The following CAV1 variants were observed in gnomAD, a reference collection of about 807,000 sequenced individuals.
CAV1 encodes caveolin-1.
CAV1 carries 10 observed loss-of-function variants against 16.5 expected under a neutral mutation model. The observed-to-expected ratio is 0.61, with a 90% CI of 0.37 to 1.03. The LOEUF (loss-of-function observed/expected upper bound fraction) is 1.03, where lower values mean the gene tolerates loss of function less well. Ranked by LOEUF, CAV1 falls within the 50% of genes least tolerant of loss-of-function variation. The pLI is 0.01. For missense variants in CAV1, 212 were observed against 232.8 expected (o/e 0.91, Z 0.58); for synonymous variants, 76 against 85.1 (o/e 0.89, Z 0.59).
At position 116,559,770 on chromosome 7, in the gene CAV1, A is replaced by G; in HGVS notation, c.*483A>G. On this transcript the variant is annotated 3_prime_UTR_variant, in exon 3 of 3. Coordinates refer to ENST00000341049, the MANE Select transcript of CAV1 (RefSeq NM_001753.5). The stretch of plus-strand genomic sequence containing the variant: ...CTCTTTTCCCACTGTTTAAGGAGTT[A>G]GTGGATTACTGCCATTCACTTCATA... 2.4e-6 allele frequency: 1 copy of G among 422,122 alleles called. No homozygotes were observed. Among genetic ancestry groups the G allele is most frequent in the Non-Finnish European group, 4.2e-6 (1 of 240,772 alleles). The allele number at this position is 422,122 out of a possible 1,614,324, so 26.1% of individuals were successfully genotyped here.
chr7:116,540,141 G>T (rs547052403), intron 2 of CAV1, among the ~76,000 whole-genome samples: 1 of 152,162 alleles, frequency 6.6e-6, no homozygotes, highest in South Asian at 2.1e-4. Context: ...GCTGGGAGGT[G>T]ATAACTGTTA....
chr7:116,546,566 G>A lies in CAV1; in HGVS notation c.196-12380G>A, dbSNP rs190596295. ...AAAAAAATTAGTCAGGTGTGGTGGC[G>A]GATGCCTGTAATCCCAGCTACTTGG... On this transcript the variant is annotated intron_variant, in intron 2 of 2. Coordinates refer to ENST00000341049, the MANE Select transcript of CAV1 (RefSeq NM_001753.5). Among the ~76,000 whole-genome samples, 548 of 151,842 alleles carry A rather than the reference G, an allele frequency of 3.6e-3. 4 individuals are homozygous for A. Among genetic ancestry groups the A allele is most frequent in the African/African-American group, 0.011 (474 of 41,410 alleles).
intron 2 of CAV1, among the ~76,000 whole-genome samples, chr7:116,536,515 G>A (rs1793820497): frequency 6.6e-6 from 1 of 152,166 alleles, no homozygotes; most frequent in Non-Finnish European, 1.5e-5. Context: ...CAGGAACAGG[G>A]TCCCAGCAGA....
chr7:116,536,847 CAA>C (rs1388416663), intron 2 of CAV1, among the ~76,000 whole-genome samples: 114 of 150,736 alleles, frequency 7.6e-4, no homozygotes, highest in African/African-American at 2.6e-3. Flanking sequence ...ACTAAAAATA[CAA>C]AAAATTAGCC....
In CAV1 at chr7:116,559,638, C is replaced by T; in HGVS notation, c.*351C>T. ...GGAAAAAAAAAAAAAAGAAAAGAAC[C>T]AACAACCTCAACTGCCTACTCCAAA... On this transcript the variant is annotated 3_prime_UTR_variant, in exon 3 of 3. Transcript: ENST00000341049. The T allele has an allele frequency of 3.8e-6, 2 of 530,184 alleles. No homozygotes were observed. Among genetic ancestry groups the T allele is most frequent in the Non-Finnish European group, 6.5e-6 (2 of 306,432 alleles). The allele number at this position is 530,184 out of a possible 1,614,324, so 32.8% of individuals were successfully genotyped here. A position where few individuals can be genotyped will look rare whatever the true frequency, so the allele number is the denominator to read the frequency against.
At position 116,560,721 on chromosome 7, in the gene CAV1, G is replaced by A. The variant is rs1025508301; in HGVS notation, c.*1434G>A. The A allele has an allele frequency of 7.9e-5, 12 of 152,382 alleles. No individual in the cohort carries two copies. The highest frequency in any genetic ancestry group is 2.9e-5 in the Non-Finnish European group (2 of 67,994). 9.4% of individuals were successfully genotyped at this position (152,382 alleles called of 1,614,324 possible). ...TGCTCATATTGTGATTCTGCCTTTG[G>A]GGACTTTTCTTAAACCTTCAGTTAT... On this transcript the variant is annotated 3_prime_UTR_variant, in exon 3 of 3. Coordinates refer to ENST00000341049, the MANE Select transcript of CAV1 (RefSeq NM_001753.5).
rs1562838570 is a variant in CAV1, at chr7:116,555,584, GAAA to G, written c.196-3361_196-3359del. The stretch of plus-strand genomic sequence containing the variant: ...AGAAAGAAAGAAAGAAAGAAAGAAA[GAAA>G]GAAAGAAAGAAAGAAAGAGAAAGAA... On this transcript the variant is annotated intron_variant, in intron 2 of 2. Coordinates refer to ENST00000341049, the MANE Select transcript of CAV1 (RefSeq NM_001753.5). 2.7e-4 allele frequency among the ~76,000 whole-genome samples: 19 copies of G among 71,242 alleles called. 1 individual carries two copies. Among genetic ancestry groups the G allele is most frequent in the African/African-American group, 1.0e-3 (18 of 17,376 alleles). The allele number at this position is 71,242 out of a possible 152,430, so 46.7% of individuals were successfully genotyped here. A position where few individuals can be genotyped will look rare whatever the true frequency, so the allele number is the denominator to read the frequency against.
chr7:116,539,476 A>G (rs765096784), intron 2 of CAV1, among the ~76,000 whole-genome samples: 39 of 152,142 alleles, frequency 2.6e-4, no homozygotes, highest in Non-Finnish European at 5.3e-4. Context: ...AGACACTGGG[A>G]TTACATTATT....
chr7:116,557,355 G>T (rs1053731188), intron 2 of CAV1, among the ~76,000 whole-genome samples: 1 of 152,160 alleles, frequency 6.6e-6, no homozygotes, highest in African/African-American at 2.4e-5. Flanking sequence ...TAGCTCCGTG[G>T]AGTCATGGCA....
intron 2 of CAV1, among the ~76,000 whole-genome samples, chr7:116,540,503 C>T (rs1793913344): frequency 6.6e-6 from 1 of 152,090 alleles, no homozygotes; most frequent in Non-Finnish European, 1.5e-5. Flanking sequence ...AAGTAGCCAT[C>T]AAAAAAGAAT....
intron 2 of CAV1, among the ~76,000 whole-genome samples, chr7:116,546,702 A>AAAATAAAAAAAAAAAT (rs1554356430): frequency 1.4e-5 from 2 of 142,952 alleles, no homozygotes; most frequent in Admixed American, 7.0e-5. Flanking sequence ...TGTCACAAAA[A>AAAATAAAAAAAAAAAT]AAAAAAAAAA....
chr7:116,540,257 C>G (rs897061425), intron 2 of CAV1, among the ~76,000 whole-genome samples: 1 of 152,150 alleles, frequency 6.6e-6, no homozygotes, highest in Non-Finnish European at 1.5e-5. Flanking sequence ...AATAACAACA[C>G]ATTAATGACT....
intron 2 of CAV1, among the ~76,000 whole-genome samples, chr7:116,558,211 A>G (rs1258291088): frequency 2.0e-5 from 3 of 152,162 alleles, no homozygotes; most frequent in Non-Finnish European, 4.4e-5. Context: ...TTAACATTGC[A>G]TGTGTAGTTG....
rs1448156661 is a variant in CAV1 at position 116,555,520 on chromosome 7, G to GAAAGAAAGAAAGAA, written c.196-3425_196-3424insAAGAAAGAAAGAAA. On this transcript the variant is annotated intron_variant, in intron 2 of 2. Coordinates refer to ENST00000341049, the MANE Select transcript of CAV1 (RefSeq NM_001753.5). ...AGAAAGAAAGAAAGAAAGAAAGAAAGAGAGAGAGAGAGAGAGAGAGAGAGA... is the reference window on the plus strand; with the variant it reads ...AGAAAGAAAGAAAGAAAGAAAGAAAGAAAGAAAGAAAGAAAGAGAGAGAGAGAGAGAGAGAGAGA... 4.5e-3 allele frequency among the ~76,000 whole-genome samples: 40 copies of GAAAGAAAGAAAGAA among 8,960 alleles called. 6 individuals are homozygous for GAAAGAAAGAAAGAA. The highest frequency in any genetic ancestry group is 0.036 in the Middle Eastern group (1 of 28). The allele number at this position is 8,960 out of a possible 152,430, so 5.9% of individuals were successfully genotyped here. A position where few individuals can be genotyped will look rare whatever the true frequency, so the allele number is the denominator to read the frequency against.
At chr7:116,553,334 G>T (rs1464839883) in intron 2 of CAV1, among the ~76,000 whole-genome samples, 1 of 151,844 alleles carries the variant, frequency 6.6e-6, no homozygotes, top group Non-Finnish European at 1.5e-5. Flanking sequence ...TGCTTGATTT[G>T]TGTTAACTCA....
intron 2 of CAV1, among the ~76,000 whole-genome samples, chr7:116,531,668 A>T (rs1028119590): frequency 4.6e-5 from 7 of 152,258 alleles, no homozygotes; most frequent in African/African-American, 1.7e-4. Flanking sequence ...TACATGTGCC[A>T]TGCTGGTGCG....
At position 116,560,174 on chromosome 7, in the gene CAV1, T is replaced by G. The variant is rs1794481866; in HGVS notation, c.*887T>G. The G allele has an allele frequency of 4.4e-6, 1 of 228,596 alleles. No homozygotes were observed. The highest frequency in any genetic ancestry group is 5.7e-5 in the Admixed American group (1 of 17,506). 14.2% of individuals were successfully genotyped at this position (228,596 alleles called of 1,614,324 possible). A position where few individuals can be genotyped will look rare whatever the true frequency, so the allele number is the denominator to read the frequency against. On this transcript the variant is annotated 3_prime_UTR_variant, in exon 3 of 3. Transcript: ENST00000341049. Reference sequence around the variant, plus strand: ...ACTAGCCCAATGAAATGAATTAAAGTGGACCAATAGGGCTGAGCTCTCTGT... The same window carrying G: ...ACTAGCCCAATGAAATGAATTAAAGGGGACCAATAGGGCTGAGCTCTCTGT...
intron 2 of CAV1, among the ~76,000 whole-genome samples, chr7:116,552,936 G>T (rs1170075488): frequency 6.6e-6 from 1 of 152,192 alleles, no homozygotes; most frequent in Non-Finnish European, 1.5e-5. Context: ...AGAGAAGTGG[G>T]ACTGTAAATT....
intron 2 of CAV1, among the ~76,000 whole-genome samples, chr7:116,547,580 T>G (rs1485466661): frequency 6.6e-6 from 1 of 152,208 alleles, no homozygotes. Context: ...GAAGCCTCAT[T>G]GACTTGCTAG....
Sources: gnomAD v4.1 joint callset for allele counts (sites outside exome capture counted in the v4.1 genomes callset) on GRCh38, gnomAD v4.1.1 for gene constraint, MANE v1.5 for transcripts, NCBI Gene and HGNC (gene_info 2026-07-23, HGNC 2026-07-21) for gene names.